The following MRPL16 variants were observed in gnomAD, a reference collection of about 807,000 sequenced individuals.
MRPL16 encodes mitochondrial ribosomal protein L16.
A neutral mutation model predicts 22.7 loss-of-function variants in MRPL16; 17 were observed. That is an observed-to-expected ratio of 0.75 (90% CI 0.51 to 1.12). The LOEUF (loss-of-function observed/expected upper bound fraction) is 1.12. Among genes scored for constraint, MRPL16 ranks in the 50% most tolerant of loss-of-function variants. MRPL16 has a pLI of 0.00. For missense variants in MRPL16, 316 were observed against 328.7 expected, an observed-to-expected ratio of 0.96 and a Z score of 0.30; for synonymous variants, 103 against 112.8, an observed-to-expected ratio of 0.91 and a Z score of 0.55.
intron 2 of MRPL16, 194 bp downstream of exon 2, chr11:59,809,661 T>C (rs959922780): frequency 1.1e-4 from 64 of 602,338 alleles, no homozygotes; most frequent in Non-Finnish European, 1.8e-4. Context: ...CAAGGAACTT[T>C]TTTGGTTTCC....
At chr11:59,810,224 G>A (rs368110085) in intron 1 of MRPL16, 2 of 1,049,508 alleles carry the variant, frequency 1.9e-6, no homozygotes, top group East Asian at 4.6e-5. Flanking sequence ...GGCCAGGCTG[G>A]TTTCAAACTA....
chr11:59,810,256 G>A (rs1463704317), intron 1 of MRPL16: 3 of 1,186,264 alleles, frequency 2.5e-6, no homozygotes, highest in Non-Finnish European at 1.1e-6. Flanking sequence ...TGATTCGCCC[G>A]CCTCGGCCTC....
chr11:59,807,303 C>G (rs1055319055), intron 3 of MRPL16: 1 of 180,040 alleles, frequency 5.6e-6, no homozygotes, highest in African/African-American at 2.4e-5. Flanking sequence ...TGGTGGAAAA[C>G]AAATCCTAGT....
rs1035929213 is a variant in MRPL16 at position 59,807,992 on chromosome 11, C to T, written c.122-143G>A. On this transcript the variant is annotated intron_variant, in intron 2 of 3. Coordinates refer to ENST00000300151, the MANE Select transcript of MRPL16 (RefSeq NM_017840.4). ...AGAGACAGGGTCTCACTATGTTGCC[C>T]AGGTTGGTTTCAAACTCCTGGCCTC... 4 of 998,412 alleles carry T rather than the reference C, an allele frequency of 4.0e-6. No homozygotes were observed. In the Admixed American group the frequency reaches 8.7e-5, roughly 22 times the overall value. 61.8% of individuals were successfully genotyped at this position (998,412 alleles called of 1,614,324 possible).
At position 59,806,283 on chromosome 11, in the gene MRPL16, T is replaced by G; in HGVS notation, c.*64A>C. On this transcript the variant is annotated 3_prime_UTR_variant, in exon 4 of 4. Coordinates refer to ENST00000300151, the MANE Select transcript of MRPL16 (RefSeq NM_017840.4). ...TACCCAAAGACTTCAGTGGGTAGGC[T>G]GAGGGGAATAGAAATGCAGAATCCT... 1 of 1,556,862 alleles carries G rather than the reference T, an allele frequency of 6.4e-7. No individual in the cohort carries two copies. The highest frequency in any genetic ancestry group is 8.7e-7 in the Non-Finnish European group (1 of 1,145,644).
chr11:59,810,323 CGGA>C, intron 1 of MRPL16: 1 of 1,310,162 alleles, frequency 7.6e-7, no homozygotes, highest in African/African-American at 1.5e-5. Flanking sequence ...GTACTTCCGC[CGGA>C]GGAGTCTTGA....
chr11:59,807,662 G>C (rs1249310761), intron 3 of MRPL16, 39 bp downstream of exon 3: 1 of 1,582,876 alleles, frequency 6.3e-7, no homozygotes, highest in East Asian at 2.2e-5. Flanking sequence ...TTATTCCCTA[G>C]CTTCCATCCC....
intron 3 of MRPL16, 174 bp downstream of exon 3, chr11:59,807,527 T>A: frequency 1.9e-6 from 1 of 535,306 alleles, no homozygotes; most frequent in Non-Finnish European, 3.1e-6. Flanking sequence ...AAAAGATATA[T>A]AACCCAAATG....
At chr11:59,808,736 C>T (rs1298562958) in intron 2 of MRPL16, 1 of 152,146 alleles carries the variant, frequency 6.6e-6, no homozygotes, top group Non-Finnish European at 1.5e-5. Flanking sequence ...AACTTACAAC[C>T]TAGGAATCCT....
At chr11:59,807,537 G>T in intron 3 of MRPL16, 164 bp downstream of exon 3, 11 of 584,352 alleles carry the variant, frequency 1.9e-5, no homozygotes, top group East Asian at 3.2e-5. Context: ...TAACCCAAAT[G>T]TTTACTGGGT....
rs552372336 is a variant in MRPL16, at chr11:59,807,857, A to G, written c.122-8T>C. The stretch of plus-strand genomic sequence containing the variant: ...TTTCAGGAATGGAAACATCTAAAAG[A>G]AGCACAGACAACCAGGATAAAGTAA... On this transcript the variant is annotated splice_region_variant and splice_polypyrimidine_tract_variant and intron_variant, in intron 2 of 3. Coordinates refer to ENST00000300151, the MANE Select transcript of MRPL16 (RefSeq NM_017840.4). 6.3e-6 allele frequency: 10 copies of G among 1,599,602 alleles called. No individual in the cohort carries two copies. The African/African-American group carries it at 1.2e-4, about 19-fold the overall frequency.
In MRPL16 at chr11:59,807,611, G is replaced by C. The variant is rs1238920299; in HGVS notation, c.270+90C>G. 4 of 1,405,548 alleles carry C rather than the reference G, an allele frequency of 2.8e-6. No homozygotes were observed. In the African/African-American group the frequency reaches 5.8e-5, roughly 20 times the overall value. 87.1% of individuals were successfully genotyped at this position (1,405,548 alleles called of 1,614,324 possible). A position where few individuals can be genotyped will look rare whatever the true frequency, so the allele number is the denominator to read the frequency against. The stretch of plus-strand genomic sequence containing the variant: ...TGGTGGCAGTTCTAATAAAAACTGT[G>C]GAGGAAGAGACTAAATTATCTCAAG... On this transcript the variant is annotated intron_variant, in intron 3 of 3. Transcript: ENST00000300151.
chr11:59,810,777 G>T lies in MRPL16; in HGVS notation c.-119C>A. On this transcript the variant is annotated 5_prime_UTR_variant, in exon 1 of 4. Coordinates refer to ENST00000300151, the MANE Select transcript of MRPL16 (RefSeq NM_017840.4). ...TCGGCTCAGGACACCGCTCAGTGGGGCCGGAAGTTGTGTTCACTCGGGTCC... is the reference window on the plus strand; with the variant it reads ...TCGGCTCAGGACACCGCTCAGTGGGTCCGGAAGTTGTGTTCACTCGGGTCC... 9.0e-7 allele frequency: 1 copy of T among 1,117,288 alleles called. No homozygotes were observed. 69.2% of individuals were successfully genotyped at this position (1,117,288 alleles called of 1,614,324 possible).
chr11:59,806,830 T>G lies in MRPL16; in HGVS notation c.273A>C (p.Ala91=). ...CCCAATGCAGGTAGCCACCACCCAA[T>G]GCCTAAAAGTGAATGGGAGAATTAG... ...EFTEGNFAIL[A]LGGGYLHWGH... Residue 91 remains alanine (A), a splice_region_variant and synonymous_variant, in exon 4 of 4, where the codon GCA becomes GCC. Transcript: ENST00000300151. The G allele has an allele frequency of 3.1e-6, 5 of 1,602,830 alleles. No individual in the cohort carries two copies. The highest frequency in any genetic ancestry group is 4.3e-6 in the Non-Finnish European group (5 of 1,170,732).
chr11:59,807,430 G>C (rs954493098), intron 3 of MRPL16: 1 of 276,240 alleles, frequency 3.6e-6, no homozygotes, highest in African/African-American at 2.2e-5. Context: ...ACCAGGGCTT[G>C]AAAAGATCTC....
Position 59,810,762 on chromosome 11 carries a change from A to C in MRPL16, c.-104T>G. On this transcript the variant is annotated 5_prime_UTR_variant, in exon 1 of 4. Transcript: ENST00000300151. ...ACTACCTAGCTGTAATCGGCTCAGG[A>C]CACCGCTCAGTGGGGCCGGAAGTTG... 2 of 1,332,614 alleles carry C rather than the reference A, an allele frequency of 1.5e-6. No individual in the cohort carries two copies. The highest frequency in any genetic ancestry group is 2.1e-6 in the Non-Finnish European group (2 of 942,218). The allele number at this position is 1,332,614 out of a possible 1,614,324, so 82.5% of individuals were successfully genotyped here.
chr11:59,810,769 T>C lies in MRPL16; in HGVS notation c.-111A>G. 1.7e-6 allele frequency: 2 copies of C among 1,211,698 alleles called. No homozygotes were observed. Among genetic ancestry groups the C allele is most frequent in the South Asian group, 2.6e-5 (2 of 76,204 alleles). The allele number at this position is 1,211,698 out of a possible 1,614,324, so 75.1% of individuals were successfully genotyped here. A position where few individuals can be genotyped will look rare whatever the true frequency, so the allele number is the denominator to read the frequency against. On this transcript the variant is annotated 5_prime_UTR_variant, in exon 1 of 4. Coordinates refer to ENST00000300151, the MANE Select transcript of MRPL16 (RefSeq NM_017840.4). ...AGCTGTAATCGGCTCAGGACACCGC[T>C]CAGTGGGGCCGGAAGTTGTGTTCAC...
intron 2 of MRPL16, 79 bp from the exon 3 acceptor site, chr11:59,807,928 A>T (rs1317027865): frequency 7.2e-7 from 1 of 1,390,550 alleles, no homozygotes; most frequent in Non-Finnish European, 9.6e-7. Flanking sequence ...GATTTATAAC[A>T]GGTGAAAGTC....
chr11:59,810,335 G>C (rs1469443360), intron 1 of MRPL16: 1 of 1,345,290 alleles, frequency 7.4e-7, no homozygotes, highest in Non-Finnish European at 9.5e-7. Context: ...GAGGAGTCTT[G>C]AGGTGTGGGA....
Sources: allele counts gnomAD v4.1 joint callset, GRCh38; gene constraint gnomAD v4.1.1; transcripts MANE v1.5; gene names NCBI Gene and HGNC (gene_info 2026-07-23, HGNC 2026-07-21).